BTAF1: variants seen among roughly 807,000 people sequenced by gnomAD.
BTAF1 encodes TATA-binding protein-associated factor 172.
BTAF1 carries 38 observed loss-of-function variants against 227.1 expected under a neutral mutation model. The observed-to-expected ratio is 0.17, with a 90% CI of 0.13 to 0.22. The LOEUF is 0.22. Ranked by LOEUF, BTAF1 falls within the 10% of genes least tolerant of loss-of-function variation. The pLI is 1.00. For synonymous variants in BTAF1, 742 were observed against 751.9 expected, an observed-to-expected ratio of 0.99 and a Z score of 0.21; for missense variants, 1,598 against 2,204.0, an observed-to-expected ratio of 0.73 and a Z score of 5.51.
At chr10:91,959,367 G>A in intron 9 of BTAF1, 6 of 983,890 alleles carry the variant, frequency 6.1e-6, no homozygotes, top group African/African-American at 1.7e-5. Flanking sequence ...AATTGGTATT[G>A]CCTGGAGACA....
intron 30 of BTAF1, among the ~76,000 whole-genome samples, chr10:92,011,689 C>G (rs1850299960): frequency 6.6e-6 from 1 of 152,246 alleles, no homozygotes; most frequent in Non-Finnish European, 1.5e-5. Context: ...AGACTCTACT[C>G]CACACTGGCC....
chr10:91,991,269 TAA>T lies in BTAF1; in HGVS notation c.2855-848_2855-847del, dbSNP rs1415803426. Among the ~76,000 whole-genome samples, 107 of 79,768 alleles carry T rather than the reference TAA, an allele frequency of 1.3e-3. 11 individuals carry two copies. Among genetic ancestry groups the T allele is most frequent in the South Asian group, 2.3e-3 (5 of 2,154 alleles). The allele number at this position is 79,768 out of a possible 152,430, so 52.3% of individuals were successfully genotyped here. A position where few individuals can be genotyped will look rare whatever the true frequency, so the allele number is the denominator to read the frequency against. On this transcript the variant is annotated intron_variant, in intron 20 of 37. Transcript: ENST00000265990. ...TCAAAAAAATATATAAATATAAATA[TAA>T]ATATATATATATATATATATAAATT...
At position 91,992,144 on chromosome 10, in the gene BTAF1, G is replaced by C. The variant is rs1171769697; in HGVS notation, c.2880G>C (p.Met960Ile). The C allele has an allele frequency of 6.3e-7, 1 of 1,599,660 alleles. No homozygotes were observed. Among genetic ancestry groups the C allele is most frequent in the Non-Finnish European group, 8.5e-7 (1 of 1,174,152 alleles). The change falls in exon 21 of 38, where the codon ATG (methionine) becomes ATC (isoleucine). Residue 960 changes from methionine (M) to isoleucine (I), a missense_variant. This residue lies in a region of BTAF1 where 425 missense variants were observed against 491.2 expected (regional missense o/e 0.87). Coordinates refer to ENST00000265990, the MANE Select transcript of BTAF1 (RefSeq NM_003972.3). ...SKGSTSEKDGMHHTVTKHRGI... is the reference protein window; with the variant it reads ...SKGSTSEKDGIHHTVTKHRGI... ...GATCCACCTCAGAAAAAGATGGAATGCACCATACTGTCACCAAGCACAGAG... is the reference window on the plus strand; with the variant it reads ...GATCCACCTCAGAAAAAGATGGAATCCACCATACTGTCACCAAGCACAGAG...
rs1336844513 is a variant in BTAF1, at chr10:91,960,088, A to G, written c.1197A>G (p.Thr399=). Residue 399 remains threonine, a synonymous_variant, in exon 11 of 38, where the codon ACA becomes ACG. Coordinates refer to ENST00000265990, the MANE Select transcript of BTAF1 (RefSeq NM_003972.3). The part of the protein sequence containing the change: ...KTVDVLLKLL[T]QEQWEVRHGG... ...TGGATGTGCTGCTAAAATTACTTAC[A>G]CAAGAACAATGGGAAGTTAGACATG... 2 of 1,613,956 alleles carry G rather than the reference A, an allele frequency of 1.2e-6. No homozygotes were observed. The highest frequency in any genetic ancestry group is 1.7e-6 in the Non-Finnish European group (2 of 1,179,872).
chr10:91,930,910 G>A (rs548083556), intron 1 of BTAF1, among the ~76,000 whole-genome samples: 1 of 152,266 alleles, frequency 6.6e-6, no homozygotes, highest in South Asian at 2.1e-4. Context: ...TATTCTGTCA[G>A]TTGACCTTTC....
At chr10:91,956,729 C>A in intron 7 of BTAF1, 72 bp downstream of exon 7, 1 of 1,496,418 alleles carries the variant, frequency 6.7e-7, no homozygotes, top group Non-Finnish European at 9.0e-7. Flanking sequence ...GTGGCTCACT[C>A]CTGTAATCCC....
At chr10:91,969,719 T>C (rs1847159208) in intron 14 of BTAF1, among the ~76,000 whole-genome samples, 1 of 152,130 alleles carries the variant, frequency 6.6e-6, no homozygotes, top group Non-Finnish European at 1.5e-5. Context: ...ATCCCAGCAC[T>C]TTGGGAGGCT....
At chr10:91,991,016 G>T (rs1425834473) in intron 20 of BTAF1, among the ~76,000 whole-genome samples, 10 of 151,844 alleles carry the variant, frequency 6.6e-5, no homozygotes, top group Non-Finnish European at 1.3e-4. Context: ...GGAGGCCGAG[G>T]CGGGTGGATC....
chr10:92,006,680 T>C (rs1441749169), intron 25 of BTAF1, among the ~76,000 whole-genome samples: 1 of 152,242 alleles, frequency 6.6e-6, no homozygotes, highest in African/African-American at 2.4e-5. Flanking sequence ...ATGAATTTTA[T>C]CAGTGACAAC....
chr10:91,966,133 C>T (rs576250576), intron 13 of BTAF1, among the ~76,000 whole-genome samples: 1 of 152,210 alleles, frequency 6.6e-6, no homozygotes, highest in East Asian at 1.9e-4. Context: ...AATGCTACAC[C>T]AGGATAATAA....
At position 91,982,105 on chromosome 10, in the gene BTAF1, G is replaced by A. The variant is rs201027186; in HGVS notation, c.1928G>A (p.Arg643His). Residue 643 changes from arginine (R) to histidine (H), a missense_variant, in exon 17 of 38, where the codon CGC (arginine) becomes CAC (histidine). Physicochemically the swap from Arg to His is conservative, Grantham distance 29. Transcript: ENST00000265990. ...RAKEKTGGKV[R>H]QGQSQNKEVL... ...TAGGAAAAAACAGGTGGTAAGGTGC[G>A]CCAAGGCCAAAGCCAGAATAAAGAA... is the stretch of plus-strand genomic sequence containing the variant. 1.2e-5 allele frequency: 19 copies of A among 1,612,752 alleles called. No homozygotes were observed. The highest frequency in any genetic ancestry group is 1.7e-5 in the Admixed American group (1 of 59,872).
intron 5 of BTAF1, 56 bp downstream of exon 5, chr10:91,951,622 A>G: frequency 6.7e-7 from 1 of 1,492,320 alleles, no homozygotes. Context: ...GGTTTGCTTC[A>G]TTTTGTTTAT....
At chr10:91,965,269 A>G (rs1043688816) in intron 13 of BTAF1, among the ~76,000 whole-genome samples, 1 of 152,204 alleles carries the variant, frequency 6.6e-6, no homozygotes, top group Non-Finnish European at 1.5e-5. Flanking sequence ...TTAAGCTGCA[A>G]GATGAAGGGG....
chr10:92,010,625 A>G (rs1047020264), intron 28 of BTAF1, among the ~76,000 whole-genome samples: 1 of 152,166 alleles, frequency 6.6e-6, no homozygotes, highest in African/African-American at 2.4e-5. Flanking sequence ...TGAATATATC[A>G]GTACTGGAGA....
At chr10:91,947,134 C>T (rs1418876632) in intron 4 of BTAF1, among the ~76,000 whole-genome samples, 1 of 152,156 alleles carries the variant, frequency 6.6e-6, no homozygotes, top group African/African-American at 2.4e-5. Context: ...TGAGCCATCA[C>T]CCCCAGCCTG....
chr10:91,975,537 C>T (rs529879374), intron 14 of BTAF1, among the ~76,000 whole-genome samples: 1 of 152,312 alleles, frequency 6.6e-6, no homozygotes, highest in East Asian at 1.9e-4. Flanking sequence ...TTTCCTTTGG[C>T]TGTGGATCAC....
chr10:91,963,291 C>T (rs12765356), intron 12 of BTAF1, among the ~76,000 whole-genome samples: 2 of 151,698 alleles, frequency 1.3e-5, no homozygotes, highest in Non-Finnish European at 2.9e-5. Flanking sequence ...TGGTGGCGGG[C>T]GCCTGTAGTC....
intron 1 of BTAF1, among the ~76,000 whole-genome samples, chr10:91,934,895 T>C (rs1340522307): frequency 6.6e-6 from 1 of 152,228 alleles, no homozygotes; most frequent in East Asian, 1.9e-4. Context: ...ATTTATTTTA[T>C]GAAGCCTTTT....
At chr10:92,016,814 G>A (rs190379038) in intron 33 of BTAF1, among the ~76,000 whole-genome samples, 171 of 151,922 alleles carry the variant, frequency 1.1e-3, no homozygotes, top group Non-Finnish European at 1.8e-3. Context: ...TTTTTAATGA[G>A]GCACTTTTTA....
Sources: allele counts gnomAD v4.1 joint callset (sites outside exome capture counted in the v4.1 genomes callset), GRCh38; gene constraint gnomAD v4.1.1; regional missense constraint gnomAD v4.1.1; transcripts MANE v1.5; gene names NCBI Gene and HGNC (gene_info 2026-07-23, HGNC 2026-07-21).